The following COL5A2 variants were observed in gnomAD, a reference collection of about 807,000 sequenced individuals.
The protein encoded by COL5A2 is collagen alpha-2(V) chain.
In COL5A2, 23 loss-of-function variants were observed where a neutral mutation model predicts 208.2. The ratio of observed to expected loss-of-function variants is 0.11; its 90% confidence interval spans 0.08 to 0.16. The LOEUF (loss-of-function observed/expected upper bound fraction) is 0.16. COL5A2 is among the 10% of genes least tolerant of loss of function. The pLI is 1.00. For synonymous variants in COL5A2, 625 were observed against 628.5 expected, an observed-to-expected ratio of 0.99 and a Z score of 0.08; for missense variants, 1,590 against 1,956.4, an observed-to-expected ratio of 0.81 and a Z score of 3.53.
chr2:189,216,112 A>G (rs1011970307), intron 1 of COL5A2, among the ~76,000 whole-genome samples: 1 of 152,194 alleles, frequency 6.6e-6, no homozygotes, highest in African/African-American at 2.4e-5. Flanking sequence ...GCCCTGTAAC[A>G]AACACTTCTT....
At chr2:189,361,362 G>A in the COL5A2 span, among the ~76,000 whole-genome samples, 1 of 151,800 alleles carries the variant, frequency 6.6e-6, no homozygotes, top group Admixed American at 6.6e-5. Flanking sequence ...TTATATAATG[G>A]CCTTCTTTGT....
Position 189,051,353 on chromosome 2 carries a change from T to C in COL5A2, c.2898A>G (p.Gly966=). 1 of 1,614,104 alleles carries C rather than the reference T, an allele frequency of 6.2e-7. No individual in the cohort carries two copies. The highest frequency in any genetic ancestry group is 8.5e-7 in the Non-Finnish European group (1 of 1,179,994). ...CATCTTCTCCTGGGTCCCCTTTGTC[T>C]CCTGGGCCACCAGGGGGGCCAGCTG... The part of the protein sequence containing the change: ...RGPAGPPGGP[G]DKGDPGEDGQ... The change falls in exon 42 of 54, where the codon GGA becomes GGG. Residue 966 remains glycine, a synonymous_variant. Coordinates refer to ENST00000374866, the MANE Select transcript of COL5A2 (RefSeq NM_000393.5).
chr2:189,315,524 A>G, the COL5A2 span, among the ~76,000 whole-genome samples: 2 of 152,192 alleles, frequency 1.3e-5, no homozygotes, highest in African/African-American at 4.8e-5. Context: ...AATCAGCACA[A>G]GACAAAGGTG....
chr2:189,297,996 T>C, the COL5A2 span, among the ~76,000 whole-genome samples: 1 of 152,224 alleles, frequency 6.6e-6, no homozygotes, highest in East Asian at 1.9e-4. Flanking sequence ...CAGTCCAATG[T>C]AAAGTTGCAA....
At chr2:189,372,848 CTTG>C in the COL5A2 span, among the ~76,000 whole-genome samples, 7 of 152,088 alleles carry the variant, frequency 4.6e-5, no homozygotes, top group Admixed American at 2.0e-4. Context: ...CAAGAGTTGA[CTTG>C]TTAAGTCATT....
chr2:189,101,867 A>G (rs866515068), intron 3 of COL5A2, among the ~76,000 whole-genome samples: 1 of 152,198 alleles, frequency 6.6e-6, no homozygotes, highest in East Asian at 1.9e-4. Context: ...CTAATAGCCA[A>G]CCTACACAAA....
chr2:189,423,899 A>AC, the COL5A2 span, among the ~76,000 whole-genome samples: 27 of 152,210 alleles, frequency 1.8e-4, no homozygotes, highest in African/African-American at 6.5e-4. Flanking sequence ...GAGGGGGAAA[A>AC]AAAAAAGCTA....
chr2:189,148,604 T>C (rs1166834601), intron 1 of COL5A2, among the ~76,000 whole-genome samples: 1 of 152,156 alleles, frequency 6.6e-6, no homozygotes, highest in African/African-American at 2.4e-5. Context: ...CATGAGTCCA[T>C]ATTGCCCTCC....
chr2:189,293,059 A>T, the COL5A2 span, among the ~76,000 whole-genome samples: 5 of 150,430 alleles, frequency 3.3e-5, no homozygotes, highest in African/African-American at 4.9e-5. Context: ...AACAATGAGA[A>T]CACATGGACA....
At chr2:189,062,480 G>A (rs539680059) in intron 29 of COL5A2, among the ~76,000 whole-genome samples, 2 of 151,948 alleles carry the variant, frequency 1.3e-5, no homozygotes, top group Admixed American at 6.5e-5. Context: ...CACCATGCCC[G>A]GCCTTACATA....
the COL5A2 span, among the ~76,000 whole-genome samples, chr2:189,320,682 A>C: frequency 5.3e-5 from 8 of 152,246 alleles, no homozygotes; most frequent in African/African-American, 1.9e-4. Flanking sequence ...GACCAAATCT[A>C]CGTCTGATTG....
intron 1 of COL5A2, among the ~76,000 whole-genome samples, chr2:189,114,553 T>C (rs1687349181): frequency 6.6e-6 from 1 of 151,742 alleles, no homozygotes; most frequent in Admixed American, 6.6e-5. Flanking sequence ...AATTCAATTC[T>C]GTCCTCCTGA....
At chr2:189,196,890 G>A (rs888677646) in intron 1 of COL5A2, among the ~76,000 whole-genome samples, 8 of 152,048 alleles carry the variant, frequency 5.3e-5, no homozygotes, top group Non-Finnish European at 8.8e-5. Context: ...ACAGTGTGGC[G>A]ATTCCTCAAG....
the COL5A2 span, among the ~76,000 whole-genome samples, chr2:189,348,656 A>C: frequency 6.6e-6 from 1 of 152,152 alleles, no homozygotes; most frequent in Admixed American, 6.6e-5. Flanking sequence ...TGAGGGATGA[A>C]AAAATGGGAT....
intron 1 of COL5A2, among the ~76,000 whole-genome samples, chr2:189,225,008 T>A (rs2105882453): frequency 6.6e-6 from 1 of 152,240 alleles, no homozygotes; most frequent in South Asian, 2.1e-4. Flanking sequence ...TCAACTGCAA[T>A]GCATATCAAA....
chr2:189,395,898 C>CAAA, the COL5A2 span, among the ~76,000 whole-genome samples: 15 of 53,212 alleles, frequency 2.8e-4, no homozygotes, highest in African/African-American at 6.3e-4. Flanking sequence ...GGACACATCT[C>CAAA]AAAAAAAAAA....
In COL5A2 at chr2:189,147,375, A is replaced by G. The variant is rs1303198109; in HGVS notation, c.97+32133T>C. ...CAAGTTGTCAATATGATCCCCATTC[A>G]TAAAGACAGAATTCAGCGAAGACCC... On this transcript the variant is annotated intron_variant, in intron 1 of 53. Coordinates refer to ENST00000374866, the MANE Select transcript of COL5A2 (RefSeq NM_000393.5). 2.0e-5 allele frequency among the ~76,000 whole-genome samples: 3 copies of G among 152,314 alleles called. No individual in the cohort carries two copies. The East Asian group carries it at 5.8e-4, about 29-fold the overall frequency.
At chr2:189,287,886 A>G in the COL5A2 span, among the ~76,000 whole-genome samples, 3 of 152,196 alleles carry the variant, frequency 2.0e-5, no homozygotes, top group African/African-American at 7.2e-5. Context: ...TGAATGTTAA[A>G]TGTAATATTT....
the COL5A2 span, among the ~76,000 whole-genome samples, chr2:189,287,849 A>G: frequency 2.0e-5 from 3 of 152,202 alleles, no homozygotes; most frequent in African/African-American, 7.2e-5. Context: ...TAAATTAAGC[A>G]GAAAATCCAC....
Sources: allele counts gnomAD v4.1 joint callset (sites outside exome capture counted in the v4.1 genomes callset), GRCh38; gene constraint gnomAD v4.1.1; transcripts MANE v1.5; gene names NCBI Gene and HGNC (gene_info 2026-07-23, HGNC 2026-07-21).